The following SLC14A2 variants were observed in gnomAD, a reference collection of about 807,000 sequenced individuals.
The protein encoded by SLC14A2 is solute carrier family 14 member 2.
Under a neutral mutation model 104.6 loss-of-function variants are expected in SLC14A2, and 91 were observed. That is an observed-to-expected ratio of 0.87 (90% CI 0.73 to 1.04). The LOEUF is 1.04. SLC14A2 is among the 50% of genes least tolerant of loss of function. The pLI, the probability that SLC14A2 is intolerant of heterozygous loss-of-function variation, is 0.00. For synonymous variants in SLC14A2, 476 were observed against 466.4 expected (o/e 1.02, Z -0.27); for missense variants, 1,189 against 1,156.0 (o/e 1.03, Z -0.41).
At chr18:45,178,378 AG>A in the SLC14A2 span, among the ~76,000 whole-genome samples, 1 of 152,132 alleles carries the variant, frequency 6.6e-6, no homozygotes, top group African/African-American at 2.4e-5. Flanking sequence ...ATGAGAGATG[AG>A]TAAGATTAAA....
chr18:45,457,687 T>TAAA (rs3058359), intron 1 of SLC14A2, among the ~76,000 whole-genome samples: 5 of 144,262 alleles, frequency 3.5e-5, no homozygotes, highest in African/African-American at 1.0e-4. Flanking sequence ...TTATGGAGGT[T>TAAA]AAAAAAAAAA....
chr18:45,386,813 T>A (rs1270640430), intron 1 of SLC14A2, among the ~76,000 whole-genome samples: 1 of 152,216 alleles, frequency 6.6e-6, no homozygotes, highest in African/African-American at 2.4e-5. Flanking sequence ...AGAATTGAGA[T>A]GCTGATAGTA....
At chr18:45,326,049 A>G (rs2085231134) in intron 1 of SLC14A2, among the ~76,000 whole-genome samples, 1 of 152,236 alleles carries the variant, frequency 6.6e-6, no homozygotes, top group South Asian at 2.1e-4. Flanking sequence ...ACAATGGCAG[A>G]GTTGCATTCA....
chr18:45,220,929 G>A (rs981497216), intron 1 of SLC14A2, among the ~76,000 whole-genome samples: 1 of 152,164 alleles, frequency 6.6e-6, no homozygotes, highest in Non-Finnish European at 1.5e-5. Flanking sequence ...TTTTCTCTGT[G>A]TATGTACATT....
intron 1 of SLC14A2, among the ~76,000 whole-genome samples, chr18:45,238,741 C>T (rs558423855): frequency 2.3e-4 from 35 of 152,210 alleles, no homozygotes; most frequent in Non-Finnish European, 4.3e-4. Flanking sequence ...TTTCAGGAAG[C>T]GTATACGTAC....
chr18:45,289,006 T>C (rs369461679), intron 1 of SLC14A2, among the ~76,000 whole-genome samples: 3 of 152,212 alleles, frequency 2.0e-5, no homozygotes, highest in African/African-American at 7.2e-5. Flanking sequence ...CCTGAGCAGA[T>C]GCTGGGAACC....
chr18:45,412,885 G>C (rs2086229199), intron 1 of SLC14A2, among the ~76,000 whole-genome samples: 1 of 152,170 alleles, frequency 6.6e-6, no homozygotes, highest in African/African-American at 2.4e-5. Flanking sequence ...GAAGGGAATA[G>C]CTACTGCTCA....
intron 2 of SLC14A2, among the ~76,000 whole-genome samples, chr18:45,543,237 T>C (rs915358867): frequency 1.3e-5 from 2 of 152,112 alleles, no homozygotes; most frequent in African/African-American, 2.4e-5. Context: ...CATGAGCCAC[T>C]GCGCCCAGCC....
At chr18:45,273,581 G>A (rs1436975336) in intron 1 of SLC14A2, among the ~76,000 whole-genome samples, 1 of 152,118 alleles carries the variant, frequency 6.6e-6, no homozygotes, top group Non-Finnish European at 1.5e-5. Flanking sequence ...GATAATGTGT[G>A]TGTATTTGTG....
intron 1 of SLC14A2, among the ~76,000 whole-genome samples, chr18:45,390,086 G>T (rs1257431617): frequency 6.6e-6 from 1 of 152,152 alleles, no homozygotes; most frequent in Non-Finnish European, 1.5e-5. Flanking sequence ...GGCTGAAAAG[G>T]CTTTGCCATA....
chr18:45,634,069 C>G (rs942203945), intron 5 of SLC14A2, among the ~76,000 whole-genome samples: 1 of 152,136 alleles, frequency 6.6e-6, no homozygotes, highest in Non-Finnish European at 1.5e-5. Flanking sequence ...ACTTCAGTGC[C>G]CCCCATCCCA....
At chr18:45,664,069 G>A (rs1292742503) in intron 11 of SLC14A2, among the ~76,000 whole-genome samples, 162 bp downstream of exon 11, 3 of 152,116 alleles carry the variant, frequency 2.0e-5, no homozygotes, top group African/African-American at 4.8e-5. Flanking sequence ...TTCCCCGAAT[G>A]CGTCTGGATG....
intron 2 of SLC14A2, among the ~76,000 whole-genome samples, chr18:45,553,906 C>T (rs1009902945): frequency 2.2e-4 from 34 of 152,142 alleles, no homozygotes; most frequent in African/African-American, 6.5e-4. Context: ...ATGAAAAAAA[C>T]GCCATACAAG....
At chr18:45,475,672 T>TATATATATATATAG (rs2087363230) in intron 1 of SLC14A2, among the ~76,000 whole-genome samples, 1 of 97,710 alleles carries the variant, frequency 1.0e-5, no homozygotes, top group East Asian at 2.7e-4. Flanking sequence ...TATATATATA[T>TATATATATATATAG]ATATATATAT....
intron 2 of SLC14A2, among the ~76,000 whole-genome samples, chr18:45,602,764 C>T (rs904169867): frequency 5.3e-5 from 8 of 152,188 alleles, no homozygotes; most frequent in African/African-American, 7.2e-5. Context: ...AAAATGCAGA[C>T]ACTTGTGTGC....
At chr18:45,435,569 G>A (rs182632299) in intron 1 of SLC14A2, among the ~76,000 whole-genome samples, 2 of 152,218 alleles carry the variant, frequency 1.3e-5, no homozygotes, top group East Asian at 3.9e-4. Flanking sequence ...CAAGACTGCT[G>A]TTCTTATTTT....
intron 1 of SLC14A2, among the ~76,000 whole-genome samples, chr18:45,285,945 C>A (rs1171522897): frequency 6.6e-6 from 1 of 152,196 alleles, no homozygotes; most frequent in Non-Finnish European, 1.5e-5. Context: ...GGCCCAGCTT[C>A]TTCTCACCTA....
chr18:45,187,920 A>C, the SLC14A2 span, among the ~76,000 whole-genome samples: 1 of 152,134 alleles, frequency 6.6e-6, no homozygotes, highest in African/African-American at 2.4e-5. Flanking sequence ...AGTTTCTTAA[A>C]CAGTCCATGA....
At chr18:45,506,049 G>A (rs2043279501) in intron 2 of SLC14A2, among the ~76,000 whole-genome samples, 6 of 152,170 alleles carry the variant, frequency 3.9e-5, no homozygotes, top group Admixed American at 3.9e-4. Flanking sequence ...CAAAGTGTCT[G>A]CTAGCCTCCC....
Sources: allele counts gnomAD v4.1 joint callset (sites outside exome capture counted in the v4.1 genomes callset), GRCh38; gene constraint gnomAD v4.1.1; transcripts MANE v1.5; gene names NCBI Gene and HGNC (gene_info 2026-07-23, HGNC 2026-07-21).